The following STK3 variants were observed in gnomAD, a reference collection of about 807,000 sequenced individuals.
STK3 encodes the protein serine/threonine kinase 3, also known as serine/threonine-protein kinase 3.
A neutral mutation model predicts 58.0 loss-of-function variants in STK3; 41 were observed. The ratio of observed to expected loss-of-function variants is 0.71; its 90% CI spans 0.55 to 0.92. The LOEUF is 0.92. Among genes scored for constraint, STK3 ranks in the 40% least tolerant of loss-of-function variants. STK3 has a pLI of 0.00. For synonymous variants in STK3, 170 were observed against 191.0 expected, an observed-to-expected ratio of 0.89 and a Z score of 0.91; for missense variants, 479 against 602.7, an observed-to-expected ratio of 0.79 and a Z score of 2.15.
In STK3 at chr8:98,739,044, C is replaced by T. The variant is rs577203850; in HGVS notation, c.351+10232G>A. Among the ~76,000 whole-genome samples, 29 of 152,334 alleles carry T rather than the reference C, an allele frequency of 1.9e-4. No homozygotes were observed. In the South Asian group the frequency reaches 3.5e-3, roughly 19 times the overall value. ...GGCAGCGGCGAGGCTGGGGGAGGGG[C>T]GCCCGCCATTGCCCAAGCTTGCTTA... On this transcript the variant is annotated intron_variant, in intron 4 of 10. Transcript: ENST00000419617.
chr8:98,661,114 C>T (rs1000062061), intron 6 of STK3, among the ~76,000 whole-genome samples: 3 of 151,498 alleles, frequency 2.0e-5, no homozygotes, highest in African/African-American at 7.3e-5. Flanking sequence ...CTTTAGAGCA[C>T]TCCTACCATA....
intron 3 of STK3, among the ~76,000 whole-genome samples, chr8:98,843,173 T>C (rs1836064252): frequency 6.6e-6 from 1 of 152,070 alleles, no homozygotes; most frequent in Admixed American, 6.6e-5. Flanking sequence ...GATCACTCAA[T>C]AAATTAGGAT....
intron 1 of STK3, among the ~76,000 whole-genome samples, chr8:98,897,880 T>C (rs527738509): frequency 6.6e-6 from 1 of 152,204 alleles, no homozygotes; most frequent in Non-Finnish European, 1.5e-5. Context: ...CATACTGATA[T>C]GATCACCACA....
intron 1 of STK3, among the ~76,000 whole-genome samples, chr8:98,807,499 C>T (rs889566028): frequency 6.6e-6 from 1 of 152,136 alleles, no homozygotes; most frequent in Non-Finnish European, 1.5e-5. Flanking sequence ...CTCAAGAGAT[C>T]CAGCCACCTC....
At chr8:98,364,758 C>T in the STK3 span, among the ~76,000 whole-genome samples, 2 of 152,192 alleles carry the variant, frequency 1.3e-5, no homozygotes, top group Non-Finnish European at 2.9e-5. Context: ...CCCAGAATGC[C>T]TCGTATTTGC....
At position 98,636,005 on chromosome 8, in the gene STK3, T is replaced by C. The variant is rs1201324839; in HGVS notation, c.685-39836A>G. On this transcript the variant is annotated intron_variant, in intron 6 of 10. Coordinates refer to ENST00000419617, the MANE Select transcript of STK3 (RefSeq NM_006281.4). ...AGTACATTACCTATTTTTTTATGCT[T>C]TCCCTAATACAACCCTTCCTAATAA... is the stretch of plus-strand genomic sequence containing the variant. Among the ~76,000 whole-genome samples, 3 of 152,162 alleles carry C rather than the reference T, an allele frequency of 2.0e-5. No individual in the cohort carries two copies. The East Asian group carries it at 5.8e-4, about 29-fold the overall frequency.
intron 3 of STK3, among the ~76,000 whole-genome samples, chr8:98,764,759 C>T (rs1359054770): frequency 6.6e-6 from 1 of 152,074 alleles, no homozygotes; most frequent in African/African-American, 2.4e-5. Flanking sequence ...AATACAATCC[C>T]CGAACTCAAG....
At chr8:98,840,628 T>TACAC (rs1554689100) in intron 3 of STK3, among the ~76,000 whole-genome samples, 126 of 114,442 alleles carry the variant, frequency 1.1e-3, no homozygotes, top group Middle Eastern at 4.9e-3. Context: ...TATATATATA[T>TACAC]ACACACACAT....
intron 10 of STK3, among the ~76,000 whole-genome samples, chr8:98,460,288 C>A (rs1047080661): frequency 6.6e-6 from 1 of 152,156 alleles, no homozygotes. Context: ...GGGCCTTTAG[C>A]CCCTTTGTTT....
chr8:98,851,495 T>C (rs1240174725), intron 3 of STK3, among the ~76,000 whole-genome samples: 1 of 152,234 alleles, frequency 6.6e-6, no homozygotes, highest in African/African-American at 2.4e-5. Context: ...AGTGTGTTCC[T>C]TAATGTAATC....
the STK3 span, among the ~76,000 whole-genome samples, chr8:98,359,614 A>C: frequency 6.6e-6 from 1 of 152,024 alleles, no homozygotes; most frequent in Non-Finnish European, 1.5e-5. Context: ...GATCTCCCTC[A>C]CTGCAATAGT....
At chr8:98,926,500 G>T (rs1404458235) in intron 1 of STK3, among the ~76,000 whole-genome samples, 2 of 152,006 alleles carry the variant, frequency 1.3e-5, no homozygotes, top group Non-Finnish European at 2.9e-5. Flanking sequence ...AGTGCCCTGG[G>T]CTAAGACATT....
At chr8:98,360,614 CA>C in the STK3 span, among the ~76,000 whole-genome samples, 48 of 151,666 alleles carry the variant, frequency 3.2e-4, no homozygotes, top group Middle Eastern at 0.01. Context: ...CATTCATTGT[CA>C]GATACATTTG....
At chr8:98,491,327 T>C (rs2131321661) in intron 10 of STK3, among the ~76,000 whole-genome samples, 1 of 152,328 alleles carries the variant, frequency 6.6e-6, no homozygotes, top group South Asian at 2.1e-4. Flanking sequence ...TCTGTTCTCT[T>C]GTCTATATAG....
At chr8:98,878,377 T>G (rs1403471049) in intron 3 of STK3, among the ~76,000 whole-genome samples, 1 of 152,166 alleles carries the variant, frequency 6.6e-6, no homozygotes, top group Non-Finnish European at 1.5e-5. Context: ...ATTATTTGCC[T>G]TCTACTTTTA....
chr8:98,933,190 T>C (rs543768145), intron 1 of STK3, among the ~76,000 whole-genome samples: 5 of 152,340 alleles, frequency 3.3e-5, no homozygotes, highest in South Asian at 2.1e-4. Flanking sequence ...TTTGGTATGT[T>C]TGTTGTAAAA....
intron 8 of STK3, chr8:98,553,409 T>C (rs1452817033): frequency 6.6e-6 from 1 of 152,158 alleles, no homozygotes; most frequent in Admixed American, 6.6e-5. Flanking sequence ...TGATGTCTGG[T>C]AAAAAGCAAT....
At chr8:98,691,442 T>A (rs1365623875) in intron 6 of STK3, among the ~76,000 whole-genome samples, 4 of 152,074 alleles carry the variant, frequency 2.6e-5, no homozygotes, top group Non-Finnish European at 4.4e-5. Flanking sequence ...GATCTCTCAA[T>A]ATAGTGATTA....
At chr8:98,688,512 C>T (rs776550585) in intron 6 of STK3, among the ~76,000 whole-genome samples, 1 of 152,028 alleles carries the variant, frequency 6.6e-6, no homozygotes, top group African/African-American at 2.4e-5. Flanking sequence ...AGACTGACCA[C>T]CTGCTCAGTC....
Sources: gnomAD v4.1 joint callset for allele counts (sites outside exome capture counted in the v4.1 genomes callset) on GRCh38, gnomAD v4.1.1 for gene constraint, MANE v1.5 for transcripts, NCBI Gene and HGNC (gene_info 2026-07-23, HGNC 2026-07-21) for gene names.